COL11A1: variants seen among roughly 807,000 people sequenced by gnomAD.
COL11A1 encodes the protein collagen alpha-1(XI) chain.
COL11A1 carries 74 observed loss-of-function variants against 265.2 expected under a neutral mutation model. The observed-to-expected ratio is 0.28, with a 90% CI of 0.23 to 0.34. The LOEUF (loss-of-function observed/expected upper bound fraction) is 0.34. COL11A1 is among the 10% of genes least tolerant of loss of function. COL11A1 has a pLI of 1.00. For synonymous variants in COL11A1, 816 were observed against 727.6 expected, an observed-to-expected ratio of 1.12 and a Z score of -1.96; for missense variants, 2,165 against 2,263.6, an observed-to-expected ratio of 0.96 and a Z score of 0.88.
intron 66 of COL11A1, 84 bp downstream of exon 66, chr1:102,879,599 G>T (rs535834204): frequency 2.4e-6 from 3 of 1,224,660 alleles, no homozygotes; most frequent in African/African-American, 3.0e-5. Flanking sequence ...CATTTCATGA[G>T]AAAAATCTGG....
At chr1:102,913,107 G>T (rs948550234) in intron 53 of COL11A1, among the ~76,000 whole-genome samples, 2 of 152,144 alleles carry the variant, frequency 1.3e-5, no homozygotes, top group African/African-American at 4.8e-5. Flanking sequence ...AGACAAAATT[G>T]TGTTGAGGGA....
At position 103,006,178 on chromosome 1, in the gene COL11A1, AAAATAAAT is replaced by A. The variant is rs59259783; in HGVS notation, c.1738-65_1738-58del. 40,886 of 953,812 alleles carry A rather than the reference AAAATAAAT, an allele frequency of 0.043. 3,735 individuals carry two copies. Among genetic ancestry groups the A allele is most frequent in the African/African-American group, 0.12 (7,380 of 61,494 alleles). The allele number at this position is 953,812 out of a possible 1,614,324, so 59.1% of individuals were successfully genotyped here. A position where few individuals can be genotyped will look rare whatever the true frequency, so the allele number is the denominator to read the frequency against. On this transcript the variant is annotated intron_variant, in intron 16 of 66. Coordinates refer to ENST00000370096, the MANE Select transcript of COL11A1 (RefSeq NM_001854.4). ...TGACTTTTATTACTAGCAAGGAAGT[AAAATAAAT>A]AAATAAATAAATAAATAAATAAAAC...
chr1:102,923,263 CATA>C, intron 47 of COL11A1, 70 bp downstream of exon 47: 2 of 1,204,492 alleles, frequency 1.7e-6, no homozygotes, highest in Non-Finnish European at 2.4e-6. Flanking sequence ...TGAAAGAACA[CATA>C]ATACTTTACA....
intron 4 of COL11A1, among the ~76,000 whole-genome samples, chr1:103,053,755 T>C (rs547239204): frequency 6.6e-6 from 1 of 152,202 alleles, no homozygotes. Flanking sequence ...AAAATTTTTA[T>C]GTGGAATCTC....
At chr1:103,064,315 G>T (rs972230041) in intron 4 of COL11A1, among the ~76,000 whole-genome samples, 1 of 151,974 alleles carries the variant, frequency 6.6e-6, no homozygotes, top group Non-Finnish European at 1.5e-5. Context: ...CTTTTAGTAG[G>T]TAAACTGATA....
chr1:102,932,929 G>T (rs907393471), intron 46 of COL11A1, among the ~76,000 whole-genome samples: 5 of 149,520 alleles, frequency 3.3e-5, no homozygotes, highest in African/African-American at 1.2e-4. Flanking sequence ...TCGAGCCTTG[G>T]TTTTCAGCTC....
chr1:103,005,851 T>C lies in COL11A1; in HGVS notation c.1832A>G (p.Asp611Gly). Reference sequence around the variant, plus strand: ...GATGTATCTTACCCTGTGACCTTTGTCACCTGGCAGACCCGGAAGTCCATC... The same window carrying C: ...GATGTATCTTACCCTGTGACCTTTGCCACCTGGCAGACCCGGAAGTCCATC... ...GFDGLPGLPG[D>G]KGHRGERGPQ... Residue 611 changes from aspartate to glycine, a missense_variant, in exon 18 of 67, where the codon GAC becomes GGC. Physicochemically the swap from Asp to Gly is moderately conservative, Grantham distance 94 (BLOSUM62 -1). Transcript: ENST00000370096. 6.2e-7 allele frequency: 1 copy of C among 1,614,128 alleles called. No individual in the cohort carries two copies.
rs116273668 is a variant in COL11A1 at position 102,995,554 on chromosome 1, A to G, written c.2340+310T>C. ...TAACTAGATAACATCTAAATCCTGCAGCAAATCCATTCGTAAGGCCAACCC... is the reference window on the plus strand; with the variant it reads ...TAACTAGATAACATCTAAATCCTGCGGCAAATCCATTCGTAAGGCCAACCC... On this transcript the variant is annotated intron_variant, in intron 28 of 66. Transcript: ENST00000370096. Among the ~76,000 whole-genome samples the G allele has an allele frequency of 3.5e-3, 532 of 152,132 alleles. 5 individuals are homozygous for G. The highest frequency in any genetic ancestry group is 0.012 in the African/African-American group (517 of 41,524).
intron 4 of COL11A1, among the ~76,000 whole-genome samples, chr1:103,044,364 C>T (rs1457852935): frequency 1.3e-5 from 2 of 152,030 alleles, no homozygotes; most frequent in Non-Finnish European, 2.9e-5. Context: ...CCACACAGCC[C>T]TTGTATTGCG....
intron 66 of COL11A1, among the ~76,000 whole-genome samples, chr1:102,878,502 A>ATATATATT (rs1317411971): frequency 7.9e-6 from 1 of 126,704 alleles, no homozygotes; most frequent in East Asian, 2.2e-4. Context: ...ATATATATAT[A>ATATATATT]TTCTTTTTCT....
chr1:103,046,306 G>A (rs557063195), intron 4 of COL11A1, among the ~76,000 whole-genome samples: 2 of 106,636 alleles, frequency 1.9e-5, no homozygotes, highest in Non-Finnish European at 3.9e-5. Context: ...TCTAACTGGT[G>A]TGAGATGGTA....
chr1:103,015,876 G>GT (rs1666524867), intron 11 of COL11A1, 134 bp from the exon 12 acceptor site: 1 of 605,392 alleles, frequency 1.7e-6, no homozygotes, highest in Non-Finnish European at 2.9e-6. Flanking sequence ...TCTGTTTTTA[G>GT]TAAGTATACC....
At chr1:102,914,847 G>A (rs1160446404) in intron 50 of COL11A1, 36 bp from the exon 51 acceptor site, 4 of 1,449,462 alleles carry the variant, frequency 2.8e-6, no homozygotes, top group Admixed American at 3.7e-5. Flanking sequence ...GAAGAAGAAG[G>A]AAAGAAGAGT....
In COL11A1 at chr1:102,987,632, C is replaced by T; in HGVS notation, c.2502+1G>A. 1 of 1,612,228 alleles carries T rather than the reference C, an allele frequency of 6.2e-7. No homozygotes were observed. The highest frequency in any genetic ancestry group is 1.3e-5 in the African/African-American group (1 of 74,942). On this transcript the variant is annotated splice_donor_variant, in intron 30 of 66. Coordinates refer to ENST00000370096, the MANE Select transcript of COL11A1 (RefSeq NM_001854.4). LOFTEE classifies it high-confidence loss of function. Reference sequence around the variant, plus strand: ...CAGTGAATTTAAAGTCATTTACCAACCTTTTCTCCTGCTTGACCTGAAGGA... The same window carrying T: ...CAGTGAATTTAAAGTCATTTACCAATCTTTTCTCCTGCTTGACCTGAAGGA...
intron 57 of COL11A1, among the ~76,000 whole-genome samples, chr1:102,893,751 TA>T: frequency 6.6e-6 from 1 of 152,286 alleles, no homozygotes; most frequent in Admixed American, 6.5e-5. Context: ...CTGCAGATCC[TA>T]CACTTTATTT....
Position 103,001,945 on chromosome 1 carries a change from T to C in COL11A1, c.2122A>G (p.Ile708Val), listed in dbSNP as rs772339760. Residue 708 changes from isoleucine (I) to valine (V), a missense_variant, in exon 24 of 67, where the codon ATT becomes GTT. By Grantham distance (29) the Ile-to-Val change is conservative. Transcript: ENST00000370096. ...PQGLPGPQGP[I>V]GPPGEKGPQG... is the part of the protein sequence containing the mutation. Reference sequence around the variant, plus strand: ...CTTACTTTTTCACCAGGAGGACCAATTGGACCTTGTGGACCAGGAAGACCC... The same window carrying C: ...CTTACTTTTTCACCAGGAGGACCAACTGGACCTTGTGGACCAGGAAGACCC... The C allele has an allele frequency of 5.6e-6, 9 of 1,613,362 alleles. No individual in the cohort carries two copies. The highest frequency in any genetic ancestry group is 3.3e-5 in the South Asian group (3 of 91,070).
intron 1 of COL11A1, among the ~76,000 whole-genome samples, chr1:103,084,290 C>T (rs1571242927): frequency 1.3e-5 from 2 of 152,218 alleles, no homozygotes; most frequent in Middle Eastern, 6.8e-3. Flanking sequence ...TACTTTCTGT[C>T]TCTAGTTACT....
chr1:102,963,676 C>T (rs1661132249), intron 38 of COL11A1, among the ~76,000 whole-genome samples: 1 of 152,074 alleles, frequency 6.6e-6, no homozygotes, highest in Non-Finnish European at 1.5e-5. Context: ...ATAAGGTATA[C>T]ACCTGTCCCA....
In COL11A1 at chr1:103,013,446, G is replaced by A. The variant is rs539697248; in HGVS notation, c.1573-977C>T. ...AAGTTCAAATAATTACCTTAAAATC[G>A]TTCAAAAGAATATATTTTATAAAAT... On this transcript the variant is annotated intron_variant, in intron 13 of 66. Transcript: ENST00000370096. 4.6e-5 allele frequency among the ~76,000 whole-genome samples: 7 copies of A among 151,764 alleles called. No homozygotes were observed. The South Asian group carries it at 8.3e-4, about 18-fold the overall frequency.
Sources: gnomAD v4.1 joint callset for allele counts (sites outside exome capture counted in the v4.1 genomes callset) on GRCh38, gnomAD v4.1.1 for gene constraint, MANE v1.5 for transcripts, NCBI Gene and HGNC (gene_info 2026-07-23, HGNC 2026-07-21) for gene names.